CACHD1: variants seen among roughly 807,000 people sequenced by gnomAD.
CACHD1 encodes VWFA and cache domain-containing protein 1.
Under a neutral mutation model 138.7 loss-of-function variants are expected in CACHD1, and 71 were observed. The observed-to-expected ratio is 0.51, with a 90% CI of 0.42 to 0.62. The LOEUF is 0.62. CACHD1 is among the 20% of genes least tolerant of loss of function. CACHD1 has a pLI of 0.00. For missense variants in CACHD1, 1,389 were observed against 1,625.3 expected, an observed-to-expected ratio of 0.85 and a Z score of 2.50; for synonymous variants, 578 against 591.5, an observed-to-expected ratio of 0.98 and a Z score of 0.33.
intron 9 of CACHD1, among the ~76,000 whole-genome samples, chr1:64,648,515 G>T (rs886249868): frequency 1.3e-5 from 2 of 152,024 alleles, no homozygotes; most frequent in Non-Finnish European, 2.9e-5. Context: ...AGATTATTAG[G>T]ATTAACTAGA....
At chr1:64,657,371 C>T (rs1052059029) in intron 12 of CACHD1, among the ~76,000 whole-genome samples, 9 of 152,070 alleles carry the variant, frequency 5.9e-5, no homozygotes, top group East Asian at 3.8e-4. Context: ...TAGAAGCTTA[C>T]GGTAACTTTA....
intron 9 of CACHD1, among the ~76,000 whole-genome samples, chr1:64,648,366 C>T (rs1648981164): frequency 6.6e-6 from 1 of 152,208 alleles, no homozygotes. Context: ...GGCAACGTGG[C>T]ATCATCGCAC....
intron 7 of CACHD1, among the ~76,000 whole-genome samples, chr1:64,639,737 A>T (rs1398274081): frequency 6.6e-6 from 1 of 152,232 alleles, no homozygotes; most frequent in Non-Finnish European, 1.5e-5. Flanking sequence ...CCATTAGGAT[A>T]ATTTTTTAAA....
At chr1:64,532,599 G>A (rs1400593054) in intron 1 of CACHD1, among the ~76,000 whole-genome samples, 1 of 152,128 alleles carries the variant, frequency 6.6e-6, no homozygotes, top group Non-Finnish European at 1.5e-5. Flanking sequence ...CCGGTATGTT[G>A]AGGGGTGGGG....
intron 8 of CACHD1, among the ~76,000 whole-genome samples, chr1:64,642,755 C>T (rs992131907): frequency 4.6e-5 from 7 of 150,572 alleles, no homozygotes; most frequent in South Asian, 2.1e-4. Flanking sequence ...TTTAAGAGGC[C>T]GTGTCTTGGC....
chr1:64,683,633 A>G (rs944178398), intron 26 of CACHD1, among the ~76,000 whole-genome samples: 37 of 152,200 alleles, frequency 2.4e-4, no homozygotes, highest in African/African-American at 8.2e-4. Context: ...TCTGAACACT[A>G]AGGCATCCAG....
At chr1:64,675,319 A>G (rs1190481266) in intron 19 of CACHD1, 82 bp from the exon 20 acceptor site, 21 of 1,035,510 alleles carry the variant, frequency 2.0e-5, no homozygotes, top group Non-Finnish European at 2.8e-5. Flanking sequence ...TTTCGTAGGT[A>G]GTTGAAGAGT....
chr1:64,470,451 C>G lies in CACHD1; in HGVS notation c.-294C>G, dbSNP rs1646135737. Among the ~76,000 whole-genome samples, 1 of 151,470 alleles carries G rather than the reference C, an allele frequency of 6.6e-6. No individual in the cohort carries two copies. Among genetic ancestry groups the G allele is most frequent in the Non-Finnish European group, 1.5e-5 (1 of 67,834 alleles). The stretch of plus-strand genomic sequence containing the variant: ...ACCCCGGCCTGCGGGCGCCCCTGCT[C>G]TCGGAGACGCCCTCTGCGCCGCGGG... On this transcript the variant is annotated 5_prime_UTR_variant, in exon 1 of 27. Coordinates refer to ENST00000651257, the MANE Select transcript of CACHD1 (RefSeq NM_020925.4). This position sits in a 1 kb window ranked among gnomAD's most constrained non-coding sequence, Gnocchi z 5.2.
At chr1:64,595,915 T>C (rs1647147159) in intron 3 of CACHD1, among the ~76,000 whole-genome samples, 1 of 152,320 alleles carries the variant, frequency 6.6e-6, no homozygotes, top group East Asian at 1.9e-4. Flanking sequence ...CCAGCCCTTG[T>C]TTCCAATCTG....
chr1:64,487,820 G>T (rs1403509579), intron 1 of CACHD1, among the ~76,000 whole-genome samples: 1 of 152,146 alleles, frequency 6.6e-6, no homozygotes, highest in Non-Finnish European at 1.5e-5. Context: ...TTATGTATTT[G>T]AATATAATTT....
rs1002794053 is a variant in CACHD1, at chr1:64,647,692, T to C, written c.1157-109T>C. On this transcript the variant is annotated intron_variant, in intron 8 of 26. Coordinates refer to ENST00000651257, the MANE Select transcript of CACHD1 (RefSeq NM_020925.4). ...CTATGTGGTCTCTGCAAAAACCCCT[T>C]TGGTATTACAAGACCTCATCCATGC... 29 of 836,352 alleles carry C rather than the reference T, an allele frequency of 3.5e-5. No homozygotes were observed. In the Middle Eastern group the frequency reaches 7.6e-4, roughly 22 times the overall value. The allele number at this position is 836,352 out of a possible 1,614,324, so 51.8% of individuals were successfully genotyped here. A position where few individuals can be genotyped will look rare whatever the true frequency, so the allele number is the denominator to read the frequency against.
chr1:64,524,075 T>G (rs568876603), intron 1 of CACHD1, among the ~76,000 whole-genome samples: 26 of 152,332 alleles, frequency 1.7e-4, no homozygotes, highest in Middle Eastern at 3.4e-3. Context: ...GCTTTATTCT[T>G]GGTTCTACTA....
At chr1:64,590,916 G>A (rs533740150) in intron 3 of CACHD1, among the ~76,000 whole-genome samples, 1 of 152,218 alleles carries the variant, frequency 6.6e-6, no homozygotes, top group South Asian at 2.1e-4. Context: ...AACATCTTTG[G>A]TCCTCAGTTT....
intron 2 of CACHD1, among the ~76,000 whole-genome samples, chr1:64,562,252 C>T (rs917151121): frequency 3.9e-5 from 6 of 152,140 alleles, no homozygotes; most frequent in African/African-American, 1.4e-4. Flanking sequence ...TTTTCTGTCT[C>T]ATTATTTGCT....
At chr1:64,570,039 G>A (rs1484867646) in intron 2 of CACHD1, among the ~76,000 whole-genome samples, 1 of 151,978 alleles carries the variant, frequency 6.6e-6, no homozygotes, top group Non-Finnish European at 1.5e-5. Context: ...ACCTAAAATG[G>A]CCGCACCCAC....
intron 1 of CACHD1, among the ~76,000 whole-genome samples, chr1:64,485,731 C>T (rs999792554): frequency 2.0e-5 from 3 of 152,110 alleles, no homozygotes; most frequent in African/African-American, 4.8e-5. Flanking sequence ...CAGACATGCA[C>T]CATCATGCCT....
intron 1 of CACHD1, among the ~76,000 whole-genome samples, chr1:64,517,665 G>A (rs1245107787): frequency 6.6e-6 from 1 of 152,146 alleles, no homozygotes; most frequent in Admixed American, 6.5e-5. Context: ...CATTGTAAGG[G>A]TAAGGGGAAC....
chr1:64,660,726 T>G (rs1486478804), intron 13 of CACHD1, among the ~76,000 whole-genome samples: 1 of 152,068 alleles, frequency 6.6e-6, no homozygotes, highest in African/African-American at 2.4e-5. Flanking sequence ...AGATGGAGTT[T>G]CACCATGTTG....
In CACHD1 at chr1:64,516,912, T is replaced by C. The variant is rs114794862; in HGVS notation, c.199-33682T>C. ...CAGAGCTGGAGTGGGAAATTCAGCA[T>C]TGCAATTAACTGGAGTCAGACAGAC... On this transcript the variant is annotated intron_variant, in intron 1 of 26. Transcript: ENST00000651257. 9.1e-3 allele frequency among the ~76,000 whole-genome samples: 1,386 copies of C among 152,326 alleles called. 26 individuals carry two copies. Among genetic ancestry groups the C allele is most frequent in the African/African-American group, 0.032 (1,318 of 41,562 alleles).
Sources: allele counts gnomAD v4.1 joint callset (sites outside exome capture counted in the v4.1 genomes callset), GRCh38; gene constraint gnomAD v4.1.1; non-coding constraint Gnocchi (gnomAD v3.1); transcripts MANE v1.5; gene names NCBI Gene and HGNC (gene_info 2026-07-23, HGNC 2026-07-21).